ZNF804B: variants seen among roughly 807,000 people sequenced by gnomAD.
The protein encoded by ZNF804B is zinc finger 804B.
A neutral mutation model predicts 101.4 loss-of-function variants in ZNF804B; 80 were observed. The observed-to-expected ratio is 0.79, with a 90% CI of 0.66 to 0.95. The LOEUF is 0.95. ZNF804B is among the 40% of genes least tolerant of loss of function. The pLI is 0.00. For synonymous variants in ZNF804B, 622 were observed against 558.8 expected, an observed-to-expected ratio of 1.11 and a Z score of -1.59; for missense variants, 1,673 against 1,561.9, an observed-to-expected ratio of 1.07 and a Z score of -1.20.
At chr7:89,226,718 A>G (rs991570573) in intron 2 of ZNF804B, among the ~76,000 whole-genome samples, 1 of 152,106 alleles carries the variant, frequency 6.6e-6, no homozygotes, top group Non-Finnish European at 1.5e-5. Flanking sequence ...TTAAATAAAT[A>G]CTCGGAATTT....
chr7:89,159,699 C>A (rs906043160), intron 1 of ZNF804B, among the ~76,000 whole-genome samples: 4 of 152,094 alleles, frequency 2.6e-5, no homozygotes, highest in African/African-American at 9.7e-5. Context: ...ACTATAGGCA[C>A]AGAATTTTGC....
At chr7:89,279,939 A>T (rs1326748778) in intron 2 of ZNF804B, among the ~76,000 whole-genome samples, 1 of 152,012 alleles carries the variant, frequency 6.6e-6, no homozygotes, top group Non-Finnish European at 1.5e-5. Flanking sequence ...CTCCACCCCA[A>T]ATCAACAGAA....
intron 1 of ZNF804B, among the ~76,000 whole-genome samples, chr7:88,890,734 G>A (rs996267135): frequency 1.3e-5 from 2 of 152,040 alleles, no homozygotes; most frequent in South Asian, 2.1e-4. Context: ...ATAACTGCAT[G>A]TTCTTAATTT....
At chr7:89,239,801 TTATA>T (rs35773657) in intron 2 of ZNF804B, among the ~76,000 whole-genome samples, 1 of 149,900 alleles carries the variant, frequency 6.7e-6, no homozygotes, top group Non-Finnish European at 1.5e-5. Flanking sequence ...TCATTTTTCT[TTATA>T]TATATATATA....
At chr7:89,054,797 G>A (rs1789266109) in intron 1 of ZNF804B, among the ~76,000 whole-genome samples, 1 of 151,968 alleles carries the variant, frequency 6.6e-6, no homozygotes, top group Non-Finnish European at 1.5e-5. Flanking sequence ...TGTCAACATA[G>A]ACCAACCCTG....
At chr7:88,787,283 G>A (rs1351982231) in intron 1 of ZNF804B, among the ~76,000 whole-genome samples, 1 of 152,020 alleles carries the variant, frequency 6.6e-6, no homozygotes, top group Non-Finnish European at 1.5e-5. Flanking sequence ...TTATCCTGAA[G>A]GTGAAATGGA....
At chr7:88,948,741 G>A (rs1793175077) in intron 1 of ZNF804B, among the ~76,000 whole-genome samples, 1 of 151,844 alleles carries the variant, frequency 6.6e-6, no homozygotes, top group Non-Finnish European at 1.5e-5. Context: ...AGGACAACTG[G>A]GGACCACCGA....
chr7:89,174,534 T>C (rs959799285), intron 1 of ZNF804B, among the ~76,000 whole-genome samples: 1 of 152,074 alleles, frequency 6.6e-6, no homozygotes, highest in Non-Finnish European at 1.5e-5. Flanking sequence ...TTTTGCTTAC[T>C]GTGAATAGTG....
chr7:88,953,945 T>C (rs1793262883), intron 1 of ZNF804B, among the ~76,000 whole-genome samples: 2 of 151,780 alleles, frequency 1.3e-5, no homozygotes, highest in African/African-American at 2.4e-5. Flanking sequence ...ATTATGAATG[T>C]CACCTCTGTG....
At chr7:89,174,569 T>G (rs1274214401) in intron 1 of ZNF804B, among the ~76,000 whole-genome samples, 3 of 152,034 alleles carry the variant, frequency 2.0e-5, no homozygotes, top group African/African-American at 4.8e-5. Flanking sequence ...GGAGTATAGG[T>G]ATCTCTTCAA....
At chr7:89,115,050 G>C (rs191791418) in intron 1 of ZNF804B, among the ~76,000 whole-genome samples, 90 of 152,160 alleles carry the variant, frequency 5.9e-4, no homozygotes, top group African/African-American at 2.1e-3. Flanking sequence ...GCTGGCCAAG[G>C]AATGTGGAAA....
chr7:88,849,604 ATTC>A (rs1382257183), intron 1 of ZNF804B, among the ~76,000 whole-genome samples: 45 of 151,750 alleles, frequency 3.0e-4, no homozygotes, highest in African/African-American at 9.9e-4. Context: ...AGTTCAAGTA[ATTC>A]TTCTGCCTCA....
At chr7:88,852,228 C>A (rs961401328) in intron 1 of ZNF804B, among the ~76,000 whole-genome samples, 1 of 152,070 alleles carries the variant, frequency 6.6e-6, no homozygotes, top group Non-Finnish European at 1.5e-5. Context: ...GAGGACCAGT[C>A]TAGTGGTATT....
chr7:88,759,933 C>A lies in ZNF804B; in HGVS notation c.-44C>A, dbSNP rs769788371. On this transcript the variant is annotated 5_prime_UTR_variant, in exon 1 of 4. Transcript: ENST00000333190. ...AACCCGCCCGCTTTCCACGGCTGGT[C>A]GCCTGGTGAGGAGTTGAGACTCTGC... 9 of 1,553,436 alleles carry A rather than the reference C, an allele frequency of 5.8e-6. No homozygotes were observed. The highest frequency in any genetic ancestry group is 2.3e-5 in the East Asian group (1 of 44,392).
At chr7:89,305,763 A>G (rs538716165) in intron 2 of ZNF804B, among the ~76,000 whole-genome samples, 2 of 152,026 alleles carry the variant, frequency 1.3e-5, no homozygotes, top group South Asian at 2.1e-4. Context: ...TACTTCTGGT[A>G]TTAATTTTTG....
At chr7:89,150,147 T>C (rs970720078) in intron 1 of ZNF804B, among the ~76,000 whole-genome samples, 7 of 152,050 alleles carry the variant, frequency 4.6e-5, no homozygotes, top group African/African-American at 1.7e-4. Context: ...TGAATCATTC[T>C]GTTACCTGGC....
At chr7:88,926,944 G>A (rs1163525854) in intron 1 of ZNF804B, among the ~76,000 whole-genome samples, 3 of 85,752 alleles carry the variant, frequency 3.5e-5, no homozygotes, top group Non-Finnish European at 7.1e-5. Flanking sequence ...GGTGGGGAGC[G>A]GGGGGAAAGC....
At chr7:88,814,447 AACACACACACACACACACACACACAC>A (rs66471769) in intron 1 of ZNF804B, among the ~76,000 whole-genome samples, 1 of 141,280 alleles carries the variant, frequency 7.1e-6, no homozygotes, top group Admixed American at 7.0e-5. Context: ...CCTCCCTTCA[AACACACACACACACACACACACACAC>A]ACACACACAC....
chr7:88,984,418 C>T (rs1395048060), intron 1 of ZNF804B, among the ~76,000 whole-genome samples: 1 of 151,870 alleles, frequency 6.6e-6, no homozygotes, highest in Non-Finnish European at 1.5e-5. Context: ...AGACTCTTGC[C>T]AACTCAGACT....
Sources: allele counts gnomAD v4.1 joint callset (sites outside exome capture counted in the v4.1 genomes callset), GRCh38; gene constraint gnomAD v4.1.1; transcripts MANE v1.5; gene names NCBI Gene and HGNC (gene_info 2026-07-23, HGNC 2026-07-21).